The following FANK1 variants were observed in gnomAD, a reference collection of about 807,000 sequenced individuals.
FANK1 encodes fibronectin type III and ankyrin repeat domains 1.
FANK1 carries 44 observed loss-of-function variants against 45.3 expected under a neutral mutation model. The ratio of observed to expected loss-of-function variants is 0.97; its 90% CI spans 0.76 to 1.25. The LOEUF is 1.25. Among genes scored for constraint, FANK1 ranks in the 50% most tolerant of loss-of-function variants. FANK1 has a pLI of 0.00. For synonymous variants in FANK1, 149 were observed against 152.5 expected (o/e 0.98, Z 0.17); for missense variants, 391 against 424.4 (o/e 0.92, Z 0.69).
chr10:126,005,133 T>C, intron 7 of FANK1, 84 bp downstream of exon 7: 4 of 1,471,632 alleles, frequency 2.7e-6, no homozygotes, highest in Non-Finnish European at 3.7e-6. Context: ...AGCAGGGCCT[T>C]TGATTAGCTA....
chr10:126,009,158 A>G lies in FANK1; in HGVS notation c.927+27A>G, dbSNP rs201662505. On this transcript the variant is annotated intron_variant, in intron 9 of 10. Coordinates refer to ENST00000368693, the MANE Select transcript of FANK1 (RefSeq NM_145235.5). ...TAAATGAGTCCATCTTTATGTAAAG[A>G]TTTTCCTCGGAGGGGGAGAAAACAT... 1.5e-4 allele frequency: 247 copies of G among 1,614,054 alleles called. 2 individuals carry two copies. In the East Asian group the frequency reaches 4.3e-3, roughly 28 times the overall value.
intron 1 of FANK1, among the ~76,000 whole-genome samples, chr10:125,956,645 A>T (rs1276213688): frequency 6.6e-6 from 1 of 152,204 alleles, no homozygotes; most frequent in East Asian, 1.9e-4. Flanking sequence ...GTTTAAAATT[A>T]AAATTATAGT....
In FANK1 at chr10:125,983,470, A is replaced by T. The variant is rs2138277; in HGVS notation, c.191+3132A>T. ...ACATAAGTAAAAATAGGTAGTCAGC[A>T]GGCAATACATACTGAGGGGCAGCAG... On this transcript the variant is annotated intron_variant, in intron 2 of 10. Transcript: ENST00000368693. The surrounding 1 kb of genome is among the most constrained non-coding windows in gnomAD (Gnocchi z 4.3). Among the ~76,000 whole-genome samples the T allele has an allele frequency of 6.6e-6, 1 of 151,988 alleles. No individual in the cohort carries two copies. The highest frequency in any genetic ancestry group is 2.1e-4 in the South Asian group (1 of 4,814).
chr10:125,944,813 C>G (rs773721520), intron 1 of FANK1, among the ~76,000 whole-genome samples: 2 of 152,226 alleles, frequency 1.3e-5, no homozygotes, highest in African/African-American at 4.8e-5. Context: ...AATTTAACAT[C>G]TATAGAAACA....
intron 6 of FANK1, chr10:126,004,145 A>G (rs1282806643): frequency 7.0e-6 from 1 of 142,762 alleles, no homozygotes; most frequent in Non-Finnish European, 1.5e-5. Flanking sequence ...CTGGGGATGG[A>G]CTACATTTTA....
At chr10:125,944,630 A>G (rs1380077402) in intron 1 of FANK1, among the ~76,000 whole-genome samples, 2 of 152,220 alleles carry the variant, frequency 1.3e-5, no homozygotes, top group Non-Finnish European at 2.9e-5. Flanking sequence ...GAATGAGGGC[A>G]AGGAACACCT....
At chr10:125,986,972 A>G (rs1395318219) in intron 2 of FANK1, among the ~76,000 whole-genome samples, 1 of 152,082 alleles carries the variant, frequency 6.6e-6, no homozygotes, top group Non-Finnish European at 1.5e-5. Flanking sequence ...GGGGGCTGGG[A>G]GTGAGTGGGC....
chr10:125,916,513 T>C (rs1479272306), intron 1 of FANK1, among the ~76,000 whole-genome samples: 1 of 152,170 alleles, frequency 6.6e-6, no homozygotes, highest in Non-Finnish European at 1.5e-5. Context: ...AAAAAATCTG[T>C]AGTTAAAATA....
intron 6 of FANK1, among the ~76,000 whole-genome samples, chr10:126,002,323 A>G (rs1952829021): frequency 6.6e-6 from 1 of 152,184 alleles, no homozygotes; most frequent in African/African-American, 2.4e-5. Flanking sequence ...AAAAAAACAA[A>G]CAAAAAGTCA....
chr10:125,945,662 C>G (rs942989586), intron 1 of FANK1, among the ~76,000 whole-genome samples: 1 of 152,174 alleles, frequency 6.6e-6, no homozygotes, highest in African/African-American at 2.4e-5. Context: ...AAGGCGGCAG[C>G]GAGGCTGGGG....
rs376452143 is a variant in FANK1 at position 125,967,991 on chromosome 10, TCTTAAACAACA to T, written c.14-12167_14-12157del. On this transcript the variant is annotated intron_variant, in intron 1 of 10. Coordinates refer to ENST00000368693, the MANE Select transcript of FANK1 (RefSeq NM_145235.5). ...TCAATCTAAAACGGTTTTATCACAG[TCTTAAACAACA>T]CTGAATATTATTACCATTACATGTT... Among the ~76,000 whole-genome samples, 8 of 152,344 alleles carry T rather than the reference TCTTAAACAACA, an allele frequency of 5.3e-5. No individual in the cohort carries two copies. In the East Asian group the frequency reaches 1.5e-3, roughly 29 times the overall value.
chr10:125,952,330 G>A (rs1033739879), intron 1 of FANK1, among the ~76,000 whole-genome samples: 5 of 152,068 alleles, frequency 3.3e-5, no homozygotes, highest in Non-Finnish European at 5.9e-5. Flanking sequence ...GTAAAACTTT[G>A]GTGTTTGGGT....
chr10:125,909,728 TGTTG>T (rs1945839196), intron 1 of FANK1, among the ~76,000 whole-genome samples: 1 of 148,434 alleles, frequency 6.7e-6, no homozygotes, highest in Non-Finnish European at 1.5e-5. Context: ...GGTCTCACTA[TGTTG>T]CCTGGGGTGG....
At position 125,997,414 on chromosome 10, in the gene FANK1, C is replaced by A. The variant is rs927981554; in HGVS notation, c.474-6C>A. 3 of 1,613,384 alleles carry A rather than the reference C, an allele frequency of 1.9e-6. No individual in the cohort carries two copies. Among genetic ancestry groups the A allele is most frequent in the Non-Finnish European group, 2.5e-6 (3 of 1,179,638 alleles). Reference sequence around the variant, plus strand: ...ATCTAGCTACACTTAAGTTTGTTTCCTTTAGGCTTGTGAAAATCCTAGTTT... The same window carrying A: ...ATCTAGCTACACTTAAGTTTGTTTCATTTAGGCTTGTGAAAATCCTAGTTT... On this transcript the variant is annotated splice_polypyrimidine_tract_variant and splice_region_variant and intron_variant, in intron 5 of 10. Transcript: ENST00000368693.
intron 1 of FANK1, among the ~76,000 whole-genome samples, chr10:125,944,543 C>A (rs1948649986): frequency 6.6e-6 from 1 of 152,170 alleles, no homozygotes; most frequent in Non-Finnish European, 1.5e-5. Context: ...CCAAAACTGG[C>A]CATAAACAAT....
chr10:125,898,438 G>T (rs1432833946), intron 1 of FANK1, among the ~76,000 whole-genome samples: 1 of 152,104 alleles, frequency 6.6e-6, no homozygotes, highest in Non-Finnish European at 1.5e-5. Flanking sequence ...GAGATTGGGG[G>T]AAGAGGAGAT....
At chr10:125,907,091 G>A (rs73383071) in intron 1 of FANK1, among the ~76,000 whole-genome samples, 1 of 152,170 alleles carries the variant, frequency 6.6e-6, no homozygotes. Flanking sequence ...GCATTTAATA[G>A]GTGATCAAAT....
intron 1 of FANK1, among the ~76,000 whole-genome samples, chr10:125,934,788 G>C (rs1245317048): frequency 7.7e-6 from 1 of 129,386 alleles, no homozygotes; most frequent in Non-Finnish European, 1.6e-5. Flanking sequence ...AAGACAGTTG[G>C]AATGTGGCAG....
intron 1 of FANK1, among the ~76,000 whole-genome samples, chr10:125,908,477 G>A (rs192010967): frequency 1.3e-5 from 2 of 152,252 alleles, no homozygotes; most frequent in South Asian, 2.1e-4. Flanking sequence ...TTAGAGACTT[G>A]TTCTACGTTA....
Sources: allele counts gnomAD v4.1 joint callset (sites outside exome capture counted in the v4.1 genomes callset), GRCh38; gene constraint gnomAD v4.1.1; non-coding constraint Gnocchi (gnomAD v3.1); transcripts MANE v1.5; gene names NCBI Gene and HGNC (gene_info 2026-07-23, HGNC 2026-07-21).